The following PCDH15 variants were observed in gnomAD, a reference collection of about 807,000 sequenced individuals.
PCDH15 encodes the protein protocadherin related 15.
Under a neutral mutation model 178.5 loss-of-function variants are expected in PCDH15, and 129 were observed. The observed-to-expected ratio is 0.72, with a 90% CI of 0.63 to 0.84. The LOEUF (loss-of-function observed/expected upper bound fraction) is 0.84, where lower values mean the gene tolerates loss of function less well. Among genes scored for constraint, PCDH15 ranks in the 40% least tolerant of loss-of-function variants. The probability of loss-of-function intolerance (pLI) is 0.00; values close to 1 mark genes in which losing one functional copy is unlikely to be tolerated. For synonymous variants in PCDH15, 800 were observed against 732.0 expected (o/e 1.09, Z -1.50); for missense variants, 2,230 against 2,099.9 (o/e 1.06, Z -1.21).
intron 8 of PCDH15, among the ~76,000 whole-genome samples, chr10:54,253,305 T>C (rs2056645968): frequency 1.3e-5 from 2 of 152,114 alleles, no homozygotes; most frequent in African/African-American, 4.8e-5. Flanking sequence ...TACAGTTTTT[T>C]TGGGTATATT....
chr10:55,562,981 T>C (rs1366350925), intron 2 of PCDH15, among the ~76,000 whole-genome samples: 1 of 151,940 alleles, frequency 6.6e-6, no homozygotes, highest in Non-Finnish European at 1.5e-5. Flanking sequence ...TAAATTTTAG[T>C]TAATTTCAGC....
chr10:55,287,733 A>G lies in PCDH15; in HGVS notation c.-156+31866T>C, dbSNP rs538722293. ...AATTTTCTTTCTCTTTGATAGTTCAATGGGGAAAATACTATACAAATTAGA... is the reference window on the plus strand; with the variant it reads ...AATTTTCTTTCTCTTTGATAGTTCAGTGGGGAAAATACTATACAAATTAGA... On this transcript the variant is annotated intron_variant, in intron 1 of 5. Coordinates refer to the PCDH15 transcript ENST00000458638. Among the ~76,000 whole-genome samples, 12 of 152,020 alleles carry G rather than the reference A, an allele frequency of 7.9e-5. No homozygotes were observed. The South Asian group carries it at 2.1e-3, about 26-fold the overall frequency.
intron 8 of PCDH15, among the ~76,000 whole-genome samples, 185 bp from the exon 9 acceptor site, chr10:54,237,116 A>T (rs986568569): frequency 6.6e-6 from 1 of 152,160 alleles, no homozygotes; most frequent in Non-Finnish European, 1.5e-5. Context: ...AGTATTCTCA[A>T]AGTCAAAATG....
At chr10:55,145,591 G>A (rs1384958828) in intron 2 of PCDH15, among the ~76,000 whole-genome samples, 2 of 151,890 alleles carry the variant, frequency 1.3e-5, no homozygotes, top group East Asian at 3.9e-4. Context: ...TCTTTGCTGA[G>A]AGAAAATCAA....
rs559450287 is a variant in PCDH15 at position 55,101,323 on chromosome 10, A to G, written c.-80+65253T>C. 2.2e-3 allele frequency among the ~76,000 whole-genome samples: 339 copies of G among 152,026 alleles called. 1 individual carries two copies. Among genetic ancestry groups the G allele is most frequent in the African/African-American group, 7.9e-3 (327 of 41,474 alleles). On this transcript the variant is annotated intron_variant, in intron 2 of 5. Coordinates refer to the PCDH15 transcript ENST00000458638. ...CTTGAACTCAGGAGGTGGAGTTTAC[A>G]GTGATCAGTGAGCTGAGATTGTGCC...
intron 25 of PCDH15, 133 bp from the exon 26 acceptor site, chr10:53,903,503 C>G: frequency 1.1e-6 from 1 of 923,246 alleles, no homozygotes. Context: ...AGATGCCATG[C>G]CTAGCACCCC....
chr10:55,127,007 C>A (rs1024780760), intron 2 of PCDH15, among the ~76,000 whole-genome samples: 6 of 152,040 alleles, frequency 3.9e-5, no homozygotes, highest in South Asian at 2.1e-4. Context: ...GGTGTCCCCC[C>A]ACCCCACACA....
At chr10:55,106,685 G>A (rs1288902579) in intron 2 of PCDH15, among the ~76,000 whole-genome samples, 1 of 152,026 alleles carries the variant, frequency 6.6e-6, no homozygotes, top group East Asian at 1.9e-4. Context: ...CAAAGTGCTG[G>A]GATATTACAG....
chr10:55,234,854 T>C (rs901314626), intron 1 of PCDH15, among the ~76,000 whole-genome samples: 4 of 152,022 alleles, frequency 2.6e-5, no homozygotes, highest in African/African-American at 9.7e-5. Flanking sequence ...TTCATAAATA[T>C]GTCAAAAGTT....
intron 25 of PCDH15, chr10:53,906,917 G>A (rs147625697): frequency 5.1e-4 from 78 of 151,834 alleles, no homozygotes; most frequent in African/African-American, 1.7e-3. Flanking sequence ...TCCTTGTCTC[G>A]GGAAGGAGAA....
chr10:53,907,360 GCA>G (rs2082749775), intron 25 of PCDH15: 1 of 152,152 alleles, frequency 6.6e-6, no homozygotes, highest in South Asian at 2.1e-4. Flanking sequence ...AGAAAGGAAA[GCA>G]CAGATAGAAA....
intron 2 of PCDH15, among the ~76,000 whole-genome samples, chr10:54,579,962 A>G (rs961592805): frequency 2.0e-5 from 3 of 152,104 alleles, no homozygotes; most frequent in Non-Finnish European, 4.4e-5. Flanking sequence ...TCTGAGATGC[A>G]GCCTATACAA....
intron 20 of PCDH15, among the ~76,000 whole-genome samples, chr10:54,008,620 T>C (rs533923350): frequency 6.6e-6 from 1 of 152,162 alleles, no homozygotes; most frequent in Non-Finnish European, 1.5e-5. Flanking sequence ...ACCATAACTG[T>C]CTGTCATCAA....
intron 2 of PCDH15, among the ~76,000 whole-genome samples, chr10:54,900,784 A>G (rs1954625891): frequency 6.6e-6 from 1 of 152,184 alleles, no homozygotes; most frequent in Non-Finnish European, 1.5e-5. Flanking sequence ...TTTATGTCTC[A>G]GTTTCAATGT....
intron 2 of PCDH15, among the ~76,000 whole-genome samples, chr10:55,516,662 G>A (rs1204984988): frequency 6.6e-6 from 1 of 152,034 alleles, no homozygotes; most frequent in South Asian, 2.1e-4. Context: ...ATAAATTTTA[G>A]AATCAATTGG....
chr10:54,620,693 C>A (rs1050630353), intron 2 of PCDH15, among the ~76,000 whole-genome samples: 2 of 151,920 alleles, frequency 1.3e-5, no homozygotes, highest in Admixed American at 1.3e-4. Context: ...TCATAATAGT[C>A]TAACTTTTAC....
intron 17 of PCDH15, among the ~76,000 whole-genome samples, chr10:54,078,609 C>A (rs965041685): frequency 2.7e-4 from 41 of 151,484 alleles, no homozygotes; most frequent in African/African-American, 9.9e-4. Flanking sequence ...AAGAGAATCA[C>A]CTAACACATG....
chr10:54,037,657 A>G (rs572684674), intron 18 of PCDH15, among the ~76,000 whole-genome samples: 1 of 152,112 alleles, frequency 6.6e-6, no homozygotes, highest in South Asian at 2.1e-4. Flanking sequence ...CTTTGTTGCA[A>G]CATTTGCTGT....
intron 20 of PCDH15, among the ~76,000 whole-genome samples, chr10:53,997,157 A>C (rs2134932941): frequency 6.6e-6 from 1 of 152,284 alleles, no homozygotes; most frequent in African/African-American, 2.4e-5. Context: ...AATAAAAAAT[A>C]TCATTTCTTC....
Sources: gnomAD v4.1 joint callset for allele counts (sites outside exome capture counted in the v4.1 genomes callset) on GRCh38, gnomAD v4.1.1 for gene constraint, MANE v1.5 for transcripts, NCBI Gene and HGNC (gene_info 2026-07-23, HGNC 2026-07-21) for gene names.